Variants in PRKG2 observed in about 807,000 individuals in gnomAD.
PRKG2 encodes the protein protein kinase cGMP-dependent 2.
A neutral mutation model predicts 97.2 loss-of-function variants in PRKG2; 33 were observed. That is an observed-to-expected ratio of 0.34 (90% CI 0.26 to 0.45). The LOEUF (loss-of-function observed/expected upper bound fraction) is 0.45, where lower values mean the gene tolerates loss of function less well. Ranked by LOEUF, PRKG2 falls within the 20% of genes least tolerant of loss-of-function variation. PRKG2 has a pLI of 1.00. For synonymous variants in PRKG2, 330 were observed against 321.8 expected (o/e 1.03, Z -0.27); for missense variants, 638 against 900.0 (o/e 0.71, Z 3.73).
Position 81,119,823 on chromosome 4 carries a change from C to T in PRKG2, c.1777-9212G>A, listed in dbSNP as rs183574396. Among the ~76,000 whole-genome samples, 232 of 152,026 alleles carry T rather than the reference C, an allele frequency of 1.5e-3. 1 individual carries two copies. The highest frequency in any genetic ancestry group is 5.1e-3 in the African/African-American group (211 of 41,486). Reference sequence around the variant, plus strand: ...CCGAGTAGCTGGGGCTACAGGCACCCGCCACCATGCCCGGCTAATTTTTTG... The same window carrying T: ...CCGAGTAGCTGGGGCTACAGGCACCTGCCACCATGCCCGGCTAATTTTTTG... On this transcript the variant is annotated intron_variant, in intron 14 of 18. Coordinates refer to ENST00000264399, the MANE Select transcript of PRKG2 (RefSeq NM_006259.3).
At chr4:81,157,691 G>A (rs1467569361) in intron 6 of PRKG2, among the ~76,000 whole-genome samples, 1 of 151,974 alleles carries the variant, frequency 6.6e-6, no homozygotes, top group Non-Finnish European at 1.5e-5. Flanking sequence ...ATAAAATACT[G>A]GCAAACCGAA....
intron 6 of PRKG2, among the ~76,000 whole-genome samples, chr4:81,155,189 A>AAAAG (rs1334427898): frequency 6.7e-6 from 1 of 148,254 alleles, no homozygotes; most frequent in African/African-American, 2.6e-5. Context: ...AAAAAAAAAA[A>AAAAG]AAGAAGAATG....
intron 17 of PRKG2, among the ~76,000 whole-genome samples, chr4:81,098,476 A>G (rs556011807): frequency 6.6e-6 from 1 of 152,310 alleles, no homozygotes; most frequent in South Asian, 2.1e-4. Flanking sequence ...CAGGAGGCCT[A>G]GCTTTCAGTC....
chr4:81,118,825 C>T (rs1376874625), intron 14 of PRKG2, among the ~76,000 whole-genome samples: 1 of 152,146 alleles, frequency 6.6e-6, no homozygotes, highest in Non-Finnish European at 1.5e-5. Context: ...GACAGGGTCT[C>T]ACTCTGTCAC....
Position 81,171,814 on chromosome 4 carries a change from A to T in PRKG2, c.629-10T>A. The stretch of plus-strand genomic sequence containing the variant: ...ACCTCTAGTCGACCCTCTATCAAGC[A>T]GAATTTTAAAAAACACACACACAAA... On this transcript the variant is annotated splice_polypyrimidine_tract_variant and intron_variant, in intron 3 of 18. Coordinates refer to ENST00000264399, the MANE Select transcript of PRKG2 (RefSeq NM_006259.3). 6.4e-7 allele frequency: 1 copy of T among 1,564,742 alleles called. No homozygotes were observed.
intron 17 of PRKG2, among the ~76,000 whole-genome samples, chr4:81,098,322 G>A (rs866305526): frequency 3.3e-5 from 5 of 151,402 alleles, no homozygotes; most frequent in Admixed American, 2.6e-4. Flanking sequence ...GATCGTGTGA[G>A]TTAATAAACT....
At position 81,144,298 on chromosome 4, in the gene PRKG2, T is replaced by C; in HGVS notation, c.1187A>G (p.Glu396Gly). The C allele has an allele frequency of 3.7e-6, 6 of 1,611,938 alleles. No individual in the cohort carries two copies. The highest frequency in any genetic ancestry group is 5.1e-6 in the Non-Finnish European group (6 of 1,178,148). ...TFNQTVGTFE[E>G]LQKYLEGYVA... ...ATATCCTTCAAGGTATTTTTGCAGC[T>C]CTTCAAATGTACCGACAGTTTGGTT... Residue 396 changes from glutamate to glycine, a missense_variant, in exon 10 of 19, where the codon GAG (glutamate) becomes GGG (glycine). Physicochemically the swap from Glu to Gly is moderately conservative, Grantham distance 98. Around this residue, in one of 3 missense-constraint regions of PRKG2, gnomAD observed 304 missense variants for 460.5 expected, o/e 0.66. Coordinates refer to ENST00000264399, the MANE Select transcript of PRKG2 (RefSeq NM_006259.3).
intron 6 of PRKG2, among the ~76,000 whole-genome samples, chr4:81,165,955 T>C (rs903683606): frequency 2.0e-5 from 3 of 151,652 alleles, no homozygotes; most frequent in African/African-American, 7.3e-5. Context: ...TCTCCAGCTT[T>C]AAGTAAAAAA....
intron 14 of PRKG2, among the ~76,000 whole-genome samples, chr4:81,116,481 G>T (rs1369868329): frequency 6.6e-6 from 1 of 152,102 alleles, no homozygotes; most frequent in Non-Finnish European, 1.5e-5. Context: ...GTGCTGTAAT[G>T]AACATATGTG....
At chr4:81,093,608 A>C (rs1276825452) in intron 17 of PRKG2, among the ~76,000 whole-genome samples, 1 of 152,138 alleles carries the variant, frequency 6.6e-6, no homozygotes, top group Non-Finnish European at 1.5e-5. Context: ...GGGCTCAATA[A>C]ATTTTTGTTG....
chr4:81,174,367 C>T (rs148996349), intron 3 of PRKG2, among the ~76,000 whole-genome samples: 2 of 152,114 alleles, frequency 1.3e-5, no homozygotes, highest in African/African-American at 4.8e-5. Flanking sequence ...TGAATAAAAA[C>T]ACTTTTTGAG....
intron 1 of PRKG2, among the ~76,000 whole-genome samples, chr4:81,210,917 C>CTGGGTG (rs1188968717): frequency 1.3e-5 from 2 of 152,046 alleles, no homozygotes; most frequent in African/African-American, 4.8e-5. Context: ...ACTTTAAATG[C>CTGGGTG]ATATTGCTGG....
chr4:81,137,078 C>T (rs1746779750), intron 13 of PRKG2, among the ~76,000 whole-genome samples: 2 of 150,448 alleles, frequency 1.3e-5, no homozygotes, highest in South Asian at 4.2e-4. Context: ...CACACTGCTT[C>T]TGCTAGGAGA....
intron 2 of PRKG2, among the ~76,000 whole-genome samples, chr4:81,189,053 T>TAAAAAAAAAAAAAAAAA (rs1560615637): frequency 5.7e-5 from 1 of 17,418 alleles, no homozygotes; most frequent in East Asian, 1.5e-3. Context: ...AAAAAAAAGA[T>TAAAAAAAAAAAAAAAAA]TAAAAAAAAT....
chr4:81,120,270 T>C (rs919217864), intron 14 of PRKG2, among the ~76,000 whole-genome samples: 13 of 152,224 alleles, frequency 8.5e-5, no homozygotes, highest in African/African-American at 3.1e-4. Context: ...TCCCTTTTTT[T>C]GTCTGTACAT....
intron 12 of PRKG2, among the ~76,000 whole-genome samples, chr4:81,138,488 C>T (rs1746938449): frequency 3.9e-5 from 6 of 152,082 alleles, no homozygotes. Context: ...TCTGTCTTCT[C>T]ATTGTTTCTC....
chr4:81,100,597 G>A (rs559431300), intron 17 of PRKG2, among the ~76,000 whole-genome samples: 3 of 152,126 alleles, frequency 2.0e-5, no homozygotes, highest in Non-Finnish European at 2.9e-5. Context: ...GTTAGACCTA[G>A]AACCATAAAA....
rs374671648 is a variant in PRKG2, at chr4:81,209,972, CA to C, written c.-13-4913del. On this transcript the variant is annotated intron_variant, in intron 1 of 18. Coordinates refer to ENST00000264399, the MANE Select transcript of PRKG2 (RefSeq NM_006259.3). ...AATACAAAAGAGAGCAAAGACAAGT[CA>C]ATGGAGAAAGGATAGTCTTTTTAAC... 1.6e-4 allele frequency among the ~76,000 whole-genome samples: 24 copies of C among 152,140 alleles called. 1 individual carries two copies. The highest frequency in any genetic ancestry group is 5.8e-4 in the African/African-American group (24 of 41,542).
Position 81,122,710 on chromosome 4 carries a change from T to C in PRKG2, c.1777-12099A>G, listed in dbSNP as rs962988000. ...CCTCCCTTAGGTATCTGACCCCTCA[T>C]AGATATTGCCAAGAATTGATGAAGG... On this transcript the variant is annotated intron_variant, in intron 14 of 18. Coordinates refer to ENST00000264399, the MANE Select transcript of PRKG2 (RefSeq NM_006259.3). Among the ~76,000 whole-genome samples the C allele has an allele frequency of 1.4e-4, 22 of 152,216 alleles. 1 individual carries two copies. The highest frequency in any genetic ancestry group is 4.8e-4 in the African/African-American group (20 of 41,540).
Sources: gnomAD v4.1 joint callset for allele counts (sites outside exome capture counted in the v4.1 genomes callset) on GRCh38, gnomAD v4.1.1 for gene constraint, gnomAD v4.1.1 regional missense constraint, MANE v1.5 for transcripts, NCBI Gene and HGNC (gene_info 2026-07-23, HGNC 2026-07-21) for gene names.